The following SOX5 variants were observed in gnomAD, a reference collection of about 807,000 sequenced individuals.
The protein encoded by SOX5 is SRY-box transcription factor 5.
A neutral mutation model predicts 92.0 loss-of-function variants in SOX5; 9 were observed. The observed-to-expected ratio is 0.10, with a 90% CI of 0.06 to 0.17. SOX5 has a LOEUF of 0.17. SOX5 is among the 10% of genes least tolerant of loss of function. The pLI is 1.00. For synonymous variants in SOX5, 344 were observed against 336.3 expected (o/e 1.02, Z -0.25); for missense variants, 642 against 944.5 (o/e 0.68, Z 4.20).
At chr12:24,331,588 A>G (rs1810066) in intron 2 of SOX5, among the ~76,000 whole-genome samples, 9,498 of 152,080 alleles carry the variant, frequency 0.062, 926 homozygotes, top group East Asian at 0.52. Context: ...GGTGGCTCAC[A>G]CCTGTAATCC....
At chr12:23,613,870 A>G (rs2076249818) in intron 8 of SOX5, among the ~76,000 whole-genome samples, 1 of 152,080 alleles carries the variant, frequency 6.6e-6, no homozygotes, top group Non-Finnish European at 1.5e-5. Context: ...CAGGGGAGGG[A>G]GGAATTAGGA....
chr12:24,241,213 C>T (rs1481149761), intron 3 of SOX5, among the ~76,000 whole-genome samples: 1 of 152,156 alleles, frequency 6.6e-6, no homozygotes, highest in Non-Finnish European at 1.5e-5. Context: ...TATATCAATA[C>T]ATCCAAAACC....
At chr12:24,322,833 ATGT>A (rs35485434) in intron 2 of SOX5, among the ~76,000 whole-genome samples, 15,344 of 152,060 alleles carry the variant, frequency 0.1, 1,140 homozygotes, top group Non-Finnish European at 0.16. Context: ...GTATCAAATA[ATGT>A]TGTTGTTGTT....
intron 11 of SOX5, among the ~76,000 whole-genome samples, chr12:23,550,897 G>A (rs924980176): frequency 5.3e-5 from 8 of 152,112 alleles, no homozygotes; most frequent in African/African-American, 1.9e-4. Flanking sequence ...TACTTTAGAG[G>A]TAGATATTTC....
intron 2 of SOX5, among the ~76,000 whole-genome samples, chr12:23,866,209 A>G (rs1205957520): frequency 6.6e-6 from 1 of 152,230 alleles, no homozygotes; most frequent in East Asian, 1.9e-4. Context: ...CATAATAGCT[A>G]TACACACATA....
chr12:23,951,549 A>G (rs1019546214), upstream of SOX5, among the ~76,000 whole-genome samples: 8 of 152,180 alleles, frequency 5.3e-5, no homozygotes, highest in Admixed American at 3.9e-4. Flanking sequence ...ATGAACTTAT[A>G]TTAGTAAATT....
chr12:24,443,406 C>T (rs993485695), intron 1 of SOX5, among the ~76,000 whole-genome samples: 1 of 152,060 alleles, frequency 6.6e-6, no homozygotes, highest in African/African-American at 2.4e-5. Flanking sequence ...TCCATCACAC[C>T]CTGTTGAAAA....
At chr12:24,091,095 C>T (rs1944581505) in intron 4 of SOX5, among the ~76,000 whole-genome samples, 1 of 152,126 alleles carries the variant, frequency 6.6e-6, no homozygotes, top group Admixed American at 6.5e-5. Flanking sequence ...TCTATGTTCG[C>T]CAATTCAAAA....
chr12:24,022,489 C>T (rs1170899511), intron 4 of SOX5, among the ~76,000 whole-genome samples: 2 of 152,112 alleles, frequency 1.3e-5, no homozygotes, highest in African/African-American at 4.8e-5. Context: ...CATCTAAAAT[C>T]CTGTAAGTGG....
At chr12:23,553,433 A>T (rs554074197) in intron 11 of SOX5, among the ~76,000 whole-genome samples, 64 of 152,188 alleles carry the variant, frequency 4.2e-4, no homozygotes, top group Non-Finnish European at 8.1e-4. Context: ...TAGAAAACAA[A>T]CAATTCACCA....
chr12:23,738,867 T>TAAA (rs757473487), intron 5 of SOX5, among the ~76,000 whole-genome samples: 36 of 152,310 alleles, frequency 2.4e-4, no homozygotes, highest in South Asian at 6.2e-4. Flanking sequence ...GCAAGCATTC[T>TAAA]GAACTCTTTT....
intron 4 of SOX5, among the ~76,000 whole-genome samples, chr12:24,206,555 A>G (rs1452223982): frequency 6.6e-6 from 1 of 152,088 alleles, no homozygotes; most frequent in African/African-American, 2.4e-5. Flanking sequence ...TACGGAACCA[A>G]AGAAACCCCC....
At position 24,539,327 on chromosome 12, in the gene SOX5, G is replaced by C. The variant is rs116797786; in HGVS notation, c.-251+23002C>G. On this transcript the variant is annotated intron_variant, in intron 1 of 4. Transcript: ENST00000446891. ...ATTTTAACACAGGTAGTTAACCAGG[G>C]TAAAATAATTACTATAAACACAAAT... 2.5e-3 allele frequency among the ~76,000 whole-genome samples: 382 copies of C among 152,176 alleles called. 1 individual carries two copies. The highest frequency in any genetic ancestry group is 8.6e-3 in the African/African-American group (359 of 41,528).
At chr12:23,844,724 C>A (rs2136011511) in intron 3 of SOX5, among the ~76,000 whole-genome samples, 1 of 152,152 alleles carries the variant, frequency 6.6e-6, no homozygotes, top group South Asian at 2.1e-4. Context: ...ATAGCTATGA[C>A]TTCAGGTGAT....
rs573732694 is a variant in SOX5, at chr12:24,030,946, T to C, written c.-1-134922A>G. 7.2e-5 allele frequency among the ~76,000 whole-genome samples: 11 copies of C among 152,008 alleles called. No homozygotes were observed. In the South Asian group the frequency reaches 2.3e-3, roughly 31 times the overall value. On this transcript the variant is annotated intron_variant, in intron 4 of 4. Coordinates refer to the SOX5 transcript ENST00000446891. ...GGCCAATGGGTATATGAACAAGTAC[T>C]CAACATCACTAATCATCAGGGAAAT...
At chr12:23,583,516 C>T (rs1251124448) in intron 9 of SOX5, among the ~76,000 whole-genome samples, 1 of 152,080 alleles carries the variant, frequency 6.6e-6, no homozygotes, top group Admixed American at 6.6e-5. Flanking sequence ...TCCAATTCAA[C>T]TTTGTTTAAC....
intron 1 of SOX5, among the ~76,000 whole-genome samples, chr12:24,451,418 G>T (rs543046109): frequency 3.3e-5 from 5 of 152,264 alleles, no homozygotes; most frequent in African/African-American, 9.6e-5. Context: ...CCCACAAAGA[G>T]TGTATAAGGG....
intron 1 of SOX5, among the ~76,000 whole-genome samples, chr12:24,524,756 A>G (rs898887850): frequency 2.6e-5 from 4 of 152,190 alleles, no homozygotes; most frequent in African/African-American, 9.6e-5. Flanking sequence ...AAAATAGTAC[A>G]TCATGCCTGT....
At chr12:23,721,350 G>A (rs575505617) in intron 6 of SOX5, among the ~76,000 whole-genome samples, 1 of 152,096 alleles carries the variant, frequency 6.6e-6, no homozygotes, top group Non-Finnish European at 1.5e-5. Flanking sequence ...CTCCCAAAGC[G>A]CTGGGATTAC....
Sources: gnomAD v4.1 joint callset for allele counts (sites outside exome capture counted in the v4.1 genomes callset) on GRCh38, gnomAD v4.1.1 for gene constraint, MANE v1.5 for transcripts, NCBI Gene and HGNC (gene_info 2026-07-23, HGNC 2026-07-21) for gene names.